Variants in MYO3B observed in about 807,000 individuals in gnomAD.
The protein encoded by MYO3B is myosin IIIB, also known as myosin-IIIb.
Under a neutral mutation model 174.6 loss-of-function variants are expected in MYO3B, and 156 were observed. The ratio of observed to expected loss-of-function variants is 0.89; its 90% CI spans 0.78 to 1.02. MYO3B has a LOEUF of 1.02. Ranked by LOEUF, MYO3B falls within the 50% of genes least tolerant of loss-of-function variation. The probability of loss-of-function intolerance (pLI) is 0.00; values close to 1 mark genes in which losing one functional copy is unlikely to be tolerated. For synonymous variants in MYO3B, 563 were observed against 569.1 expected, an observed-to-expected ratio of 0.99 and a Z score of 0.15; for missense variants, 1,632 against 1,639.4, an observed-to-expected ratio of 1.00 and a Z score of 0.08.
chr2:170,281,216 G>A (rs2093506829), intron 7 of MYO3B, among the ~76,000 whole-genome samples: 2 of 152,116 alleles, frequency 1.3e-5, no homozygotes, highest in South Asian at 4.2e-4. Context: ...GTATTCCCAG[G>A]TATTTTATTC....
At chr2:170,375,050 A>G (rs1378469190) in intron 9 of MYO3B, among the ~76,000 whole-genome samples, 2 of 152,150 alleles carry the variant, frequency 1.3e-5, no homozygotes, top group African/African-American at 2.4e-5. Context: ...CCCTAAAACT[A>G]TGTGAACAAT....
chr2:170,178,171 T>A lies in MYO3B; in HGVS notation c.-117T>A. ...TAGATCGAAAGTCCTTTGGTAATGATGTGTCATACATTCTAGTCATCAAAG... is the reference window on the plus strand; with the variant it reads ...TAGATCGAAAGTCCTTTGGTAATGAAGTGTCATACATTCTAGTCATCAAAG... On this transcript the variant is annotated 5_prime_UTR_variant, in exon 1 of 35. An upstream start codon of the reference 5' UTR is lost. Transcript: ENST00000408978. 1 of 1,235,666 alleles carries A rather than the reference T, an allele frequency of 8.1e-7. No homozygotes were observed. The highest frequency in any genetic ancestry group is 1.2e-6 in the Non-Finnish European group (1 of 835,128). The allele number at this position is 1,235,666 out of a possible 1,614,324, so 76.5% of individuals were successfully genotyped here.
At chr2:170,251,306 T>C (rs1250516264) in intron 7 of MYO3B, among the ~76,000 whole-genome samples, 1 of 152,134 alleles carries the variant, frequency 6.6e-6, no homozygotes, top group African/African-American at 2.4e-5. Flanking sequence ...GACACACAGT[T>C]AATAAAAACA....
At chr2:170,191,525 T>A (rs185187555) in intron 1 of MYO3B, among the ~76,000 whole-genome samples, 27 of 152,062 alleles carry the variant, frequency 1.8e-4, no homozygotes, top group Non-Finnish European at 2.9e-4. Context: ...AGGTGCAATT[T>A]CCCCCCGGCT....
At chr2:170,421,511 C>T (rs1189804940) in intron 22 of MYO3B, among the ~76,000 whole-genome samples, 3 of 152,164 alleles carry the variant, frequency 2.0e-5, no homozygotes, top group Non-Finnish European at 4.4e-5. Context: ...GTGGCTGCCC[C>T]GGGGTGCCAC....
At chr2:170,254,583 A>G (rs1462427072) in intron 7 of MYO3B, among the ~76,000 whole-genome samples, 1 of 151,852 alleles carries the variant, frequency 6.6e-6, no homozygotes, top group Non-Finnish European at 1.5e-5. Context: ...GTTCAGCACC[A>G]CCCCCAGCAC....
chr2:170,594,067 G>A lies in MYO3B; in HGVS notation c.3733+50079G>A, dbSNP rs538427187. ...CACTGTTTATGGTTCTGATGGGGCCGTCAGGCATATTACACTAAACCCTGG... is the reference window on the plus strand; with the variant it reads ...CACTGTTTATGGTTCTGATGGGGCCATCAGGCATATTACACTAAACCCTGG... On this transcript the variant is annotated intron_variant, in intron 32 of 34. Transcript: ENST00000408978. Among the ~76,000 whole-genome samples, 13 of 152,176 alleles carry A rather than the reference G, an allele frequency of 8.5e-5. No homozygotes were observed. In the East Asian group the frequency reaches 1.5e-3, roughly 18 times the overall value.
chr2:170,442,097 CT>C (rs200082163), intron 22 of MYO3B, among the ~76,000 whole-genome samples: 23 of 151,610 alleles, frequency 1.5e-4, no homozygotes, highest in Non-Finnish European at 2.5e-4. Flanking sequence ...CCTTTTATTT[CT>C]TTTTTTTGTG....
chr2:170,361,210 A>G (rs1403165054), intron 8 of MYO3B, among the ~76,000 whole-genome samples: 1 of 152,208 alleles, frequency 6.6e-6, no homozygotes, highest in East Asian at 1.9e-4. Context: ...GTGATCTCCC[A>G]GGGACCACAC....
intron 25 of MYO3B, among the ~76,000 whole-genome samples, chr2:170,478,889 TACACACAC>T (rs143792197): frequency 0.33 from 45,669 of 137,114 alleles, 7,410 homozygotes; most frequent in South Asian, 0.42. Context: ...AGGTTTTACA[TACACACAC>T]ACACACACAC....
At chr2:170,308,981 T>A (rs2093719436) in intron 7 of MYO3B, among the ~76,000 whole-genome samples, 1 of 152,240 alleles carries the variant, frequency 6.6e-6, no homozygotes, top group African/African-American at 2.4e-5. Context: ...TATCAGAATC[T>A]TATTTTTAAG....
chr2:170,563,296 T>C (rs903444809), intron 32 of MYO3B, among the ~76,000 whole-genome samples: 1 of 152,126 alleles, frequency 6.6e-6, no homozygotes, highest in African/African-American at 2.4e-5. Context: ...AGTGTAGTTC[T>C]CCAAGGACCA....
chr2:170,391,146 A>G (rs1455291686), intron 14 of MYO3B, among the ~76,000 whole-genome samples: 2 of 152,118 alleles, frequency 1.3e-5, no homozygotes, highest in Non-Finnish European at 2.9e-5. Context: ...CTAGGGCTCC[A>G]GTAAAGTAGA....
intron 32 of MYO3B, chr2:170,644,080 T>C (rs1414105044): frequency 1.3e-5 from 2 of 152,124 alleles, no homozygotes; most frequent in Admixed American, 6.5e-5. Context: ...CTCTGAAACC[T>C]TGGAAGACGA....
intron 7 of MYO3B, among the ~76,000 whole-genome samples, chr2:170,311,527 G>T (rs2093739203): frequency 6.7e-6 from 1 of 149,610 alleles, no homozygotes; most frequent in South Asian, 2.2e-4. Context: ...TCAGATATAT[G>T]ATTTACAAAT....
chr2:170,260,637 A>C (rs544526242), intron 7 of MYO3B, among the ~76,000 whole-genome samples: 1 of 152,326 alleles, frequency 6.6e-6, no homozygotes, highest in African/African-American at 2.4e-5. Flanking sequence ...ATTGTATCCC[A>C]AACTGAAGCA....
rs1687030900 is a variant in MYO3B at position 170,498,612 on chromosome 2, C to G, written c.3035C>G (p.Thr1012Arg). 6.2e-7 allele frequency: 1 copy of G among 1,613,720 alleles called. No individual in the cohort carries two copies. Among genetic ancestry groups the G allele is most frequent in the African/African-American group, 1.3e-5 (1 of 74,924 alleles). The stretch of plus-strand genomic sequence containing the variant: ...TGCAGGTATTATTACTTGGCATTCA[C>G]AGCACATCAAACACCTCTTGCTAGC... ...FVKRYYYLAF[T>R]AHQTPLASKE... is the part of the protein sequence containing the mutation. The change falls in exon 26 of 35, where the codon ACA becomes AGA. Residue 1012 changes from threonine (T) to arginine (R), a missense_variant. Thr to Arg is a moderately conservative substitution (Grantham distance 71). Transcript: ENST00000408978.
intron 30 of MYO3B, among the ~76,000 whole-genome samples, chr2:170,524,990 C>T (rs6716899): frequency 0.095 from 14,447 of 152,094 alleles, 2,035 homozygotes; most frequent in African/African-American, 0.31. Flanking sequence ...GGCTCCAGGT[C>T]TCAGATAATT....
chr2:170,335,589 A>T (rs1206736724), intron 8 of MYO3B, 139 bp downstream of exon 8: 1 of 626,118 alleles, frequency 1.6e-6, no homozygotes, highest in Non-Finnish European at 2.8e-6. Context: ...TTGTTCTAGT[A>T]AATGATAGAA....
Sources: allele counts gnomAD v4.1 joint callset (sites outside exome capture counted in the v4.1 genomes callset), GRCh38; gene constraint gnomAD v4.1.1; transcripts MANE v1.5; gene names NCBI Gene and HGNC (gene_info 2026-07-23, HGNC 2026-07-21).